ZNF609: variants seen among roughly 807,000 people sequenced by gnomAD.
ZNF609 encodes the protein zinc finger protein 609.
Under a neutral mutation model 109.5 loss-of-function variants are expected in ZNF609, and 11 were observed. The ratio of observed to expected loss-of-function variants is 0.10; its 90% CI spans 0.06 to 0.17. The LOEUF is 0.17. ZNF609 is among the 10% of genes least tolerant of loss of function. ZNF609 has a pLI of 1.00. For synonymous variants in ZNF609, 646 were observed against 662.0 expected, an observed-to-expected ratio of 0.98 and a Z score of 0.37; for missense variants, 1,559 against 1,772.4, an observed-to-expected ratio of 0.88 and a Z score of 2.16.
chr15:64,549,267 C>T (rs1177139192), intron 2 of ZNF609, among the ~76,000 whole-genome samples: 4 of 151,964 alleles, frequency 2.6e-5, no homozygotes, highest in African/African-American at 9.7e-5. Flanking sequence ...CTTGGCTTAC[C>T]ACAACCTCCG....
chr15:64,525,613 C>T (rs1311071040), intron 2 of ZNF609, among the ~76,000 whole-genome samples: 6 of 152,194 alleles, frequency 3.9e-5, no homozygotes, highest in Admixed American at 2.0e-4. Flanking sequence ...AAGAAGCAGG[C>T]TAGGATTTTG....
intron 2 of ZNF609, among the ~76,000 whole-genome samples, chr15:64,598,075 T>C (rs77825409): frequency 1.3e-3 from 196 of 152,320 alleles, no homozygotes; most frequent in Admixed American, 2.1e-3. Context: ...ACTATAGACA[T>C]GATGGCTAGA....
chr15:64,657,199 G>C (rs1239379847), intron 3 of ZNF609, among the ~76,000 whole-genome samples: 2 of 150,034 alleles, frequency 1.3e-5, no homozygotes, highest in Non-Finnish European at 3.0e-5. Context: ...GTGAAGGGTT[G>C]CAGTGAGCCA....
chr15:64,668,888 G>C (rs1484385993), intron 3 of ZNF609, among the ~76,000 whole-genome samples: 1 of 141,970 alleles, frequency 7.0e-6, no homozygotes, highest in Non-Finnish European at 1.5e-5. Flanking sequence ...GGAGGCGGAG[G>C]TTGCAGTGAG....
chr15:64,577,401 GTA>G (rs1254854038), intron 2 of ZNF609, among the ~76,000 whole-genome samples: 527 of 14,934 alleles, frequency 0.035, 235 homozygotes, highest in Middle Eastern at 0.14. Flanking sequence ...ACACATATAT[GTA>G]TATATATACA....
chr15:64,564,480 T>G (rs1446003765), intron 2 of ZNF609, among the ~76,000 whole-genome samples: 1 of 152,190 alleles, frequency 6.6e-6, no homozygotes, highest in African/African-American at 2.4e-5. Context: ...GGGTAACATT[T>G]AGAAGTTGAG....
chr15:64,573,727 C>G (rs1894902174), intron 2 of ZNF609, among the ~76,000 whole-genome samples: 1 of 152,120 alleles, frequency 6.6e-6, no homozygotes, highest in Admixed American at 6.6e-5. Flanking sequence ...TCACCCTTGT[C>G]TATTTGGCAT....
chr15:64,678,593 G>A (rs1896839792), intron 6 of ZNF609, 111 bp downstream of exon 6: 1 of 1,453,354 alleles, frequency 6.9e-7, no homozygotes, highest in Non-Finnish European at 9.2e-7. Context: ...GGCTCGCTTA[G>A]ATGACGGACC....
At chr15:64,647,525 T>G (rs188592269) in intron 3 of ZNF609, among the ~76,000 whole-genome samples, 66 of 152,296 alleles carry the variant, frequency 4.3e-4, no homozygotes, top group Non-Finnish European at 7.2e-4. Flanking sequence ...TTCTTTTATT[T>G]TATATTTTTA....
At chr15:64,471,900 CTTTGTT>C (rs1395408476) in intron 1 of ZNF609, among the ~76,000 whole-genome samples, 2 of 143,056 alleles carry the variant, frequency 1.4e-5, no homozygotes, top group African/African-American at 2.6e-5. Context: ...GTAGCTTTTT[CTTTGTT>C]TTTGTTTTTG....
At chr15:64,653,845 T>C (rs1301649130) in intron 3 of ZNF609, among the ~76,000 whole-genome samples, 3 of 152,178 alleles carry the variant, frequency 2.0e-5, no homozygotes, top group Non-Finnish European at 2.9e-5. Context: ...TATCACACTC[T>C]CCTAGACTGG....
intron 2 of ZNF609, among the ~76,000 whole-genome samples, chr15:64,595,113 A>T (rs888870478): frequency 6.6e-6 from 1 of 151,622 alleles, no homozygotes; most frequent in Non-Finnish European, 1.5e-5. Flanking sequence ...TAATCTCAGT[A>T]CTTTGGGAGG....
chr15:64,463,849 A>G (rs189210651), intron 1 of ZNF609, among the ~76,000 whole-genome samples: 80 of 152,302 alleles, frequency 5.3e-4, no homozygotes, highest in Non-Finnish European at 5.6e-4. Flanking sequence ...ACTGAGTCCA[A>G]AGCTTTTTGC....
At chr15:64,486,165 C>T (rs748484125) in intron 1 of ZNF609, among the ~76,000 whole-genome samples, 4 of 152,116 alleles carry the variant, frequency 2.6e-5, no homozygotes, top group Non-Finnish European at 4.4e-5. Context: ...TATATAATAA[C>T]CTGTTAAGGG....
In ZNF609 at chr15:64,563,773, T is replaced by TCAAAACAAAA. The variant is rs370070824; in HGVS notation, c.748-59028_748-59019dup. Among the ~76,000 whole-genome samples the TCAAAACAAAA allele has an allele frequency of 3.4e-4, 52 of 151,280 alleles. 1 individual carries two copies. The highest frequency in any genetic ancestry group is 4.6e-4 in the Admixed American group (7 of 15,166). ...TGGGCAACGAGAGCGAAACTCTGTC[T>TCAAAACAAAA]CAAAACAAAACAAAACAAAACAAAA... On this transcript the variant is annotated intron_variant, in intron 2 of 9. Coordinates refer to ENST00000326648, the MANE Select transcript of ZNF609 (RefSeq NM_015042.2).
At chr15:64,515,273 A>T (rs1026844196) in intron 2 of ZNF609, among the ~76,000 whole-genome samples, 1 of 152,176 alleles carries the variant, frequency 6.6e-6, no homozygotes, top group African/African-American at 2.4e-5. Context: ...AGTATACCTT[A>T]TTCGAAGGCT....
chr15:64,680,897 CTTGTTTTGTT>C (rs773156382), intron 8 of ZNF609, 35 bp downstream of exon 8: 8 of 1,599,888 alleles, frequency 5.0e-6, no homozygotes, highest in African/African-American at 1.3e-5. Flanking sequence ...GTTGTTTTGT[CTTGTTTTGTT>C]TTGTTTATCT....
rs1567019119 is a variant in ZNF609, at chr15:64,577,057, C to CACACATAAAT, written c.748-45769_748-45768insCACATAAATA. On this transcript the variant is annotated intron_variant, in intron 2 of 9. Coordinates refer to ENST00000326648, the MANE Select transcript of ZNF609 (RefSeq NM_015042.2). The stretch of plus-strand genomic sequence containing the variant: ...ATGTATATATACACATAAATATATA[C>CACACATAAAT]ATATATGTATATATACACAAATATA... Among the ~76,000 whole-genome samples, 2 of 35,854 alleles carry CACACATAAAT rather than the reference C, an allele frequency of 5.6e-5. 1 individual carries two copies. The highest frequency in any genetic ancestry group is 1.1e-4 in the Non-Finnish European group (2 of 18,802). The allele number at this position is 35,854 out of a possible 152,430, so 23.5% of individuals were successfully genotyped here. A position where few individuals can be genotyped will look rare whatever the true frequency, so the allele number is the denominator to read the frequency against.
intron 2 of ZNF609, among the ~76,000 whole-genome samples, chr15:64,562,979 G>A (rs566667080): frequency 1.5e-4 from 23 of 151,794 alleles, no homozygotes; most frequent in Middle Eastern, 3.4e-3. Flanking sequence ...ATTGTCTAAC[G>A]TATGGAGGGA....
Sources: gnomAD v4.1 joint callset for allele counts (sites outside exome capture counted in the v4.1 genomes callset) on GRCh38, gnomAD v4.1.1 for gene constraint, MANE v1.5 for transcripts, NCBI Gene and HGNC (gene_info 2026-07-23, HGNC 2026-07-21) for gene names.